Variants in ATP8B1 observed in about 807,000 individuals in gnomAD.
The protein encoded by ATP8B1 is phospholipid-transporting ATPase IC.
Under a neutral mutation model 149.9 loss-of-function variants are expected in ATP8B1, and 80 were observed. That is an observed-to-expected ratio of 0.53 (90% confidence interval 0.45 to 0.64). ATP8B1 has a LOEUF of 0.64. Ranked by LOEUF, ATP8B1 falls within the 30% of genes least tolerant of loss-of-function variation. The pLI, the probability that ATP8B1 is intolerant of heterozygous loss-of-function variation, is 0.00. For missense variants in ATP8B1, 1,247 were observed against 1,552.6 expected, an observed-to-expected ratio of 0.80 and a Z score of 3.31; for synonymous variants, 536 against 562.8, an observed-to-expected ratio of 0.95 and a Z score of 0.67.
At position 57,726,237 on chromosome 18, in the gene ATP8B1, A is replaced by AAAAACAAAAACAAAC. The variant is rs1445786771; in HGVS notation, c.181+5389_181+5390insGTTTGTTTTTGTTTT. On this transcript the variant is annotated intron_variant, in intron 2 of 27. Transcript: ENST00000648908. The stretch of plus-strand genomic sequence containing the variant: ...GCAAGACTCTGCCTCAAACAAAAAC[A>AAAAACAAAAACAAAC]AACAACAACAACAAAAAAACCACTT... Among the ~76,000 whole-genome samples the AAAAACAAAAACAAAC allele has an allele frequency of 3.0e-4, 45 of 152,200 alleles. 1 individual carries two copies. The East Asian group carries it at 7.3e-3, about 25-fold the overall frequency.
chr18:57,799,193 G>A (rs906291771), intron 1 of ATP8B1, among the ~76,000 whole-genome samples: 39 of 152,310 alleles, frequency 2.6e-4, no homozygotes, highest in African/African-American at 8.9e-4. Context: ...ATGCACCTAG[G>A]AAGCTATGAG....
chr18:57,716,856 C>T (rs1049412985), intron 2 of ATP8B1, among the ~76,000 whole-genome samples: 2 of 152,202 alleles, frequency 1.3e-5, no homozygotes, highest in Non-Finnish European at 2.9e-5. Context: ...TTTCATACAA[C>T]AGCTGTAGAA....
At chr18:57,693,443 C>T (rs1912642902) in intron 11 of ATP8B1, among the ~76,000 whole-genome samples, 2 of 152,080 alleles carry the variant, frequency 1.3e-5, no homozygotes, top group African/African-American at 4.8e-5. Flanking sequence ...TGCAGTGGCT[C>T]ATGCTTGTAA....
chr18:57,764,773 A>G, intron 1 of ATP8B1, among the ~76,000 whole-genome samples: 1 of 151,970 alleles, frequency 6.6e-6, no homozygotes, highest in East Asian at 1.9e-4. Context: ...AAAAAAAAAA[A>G]AAAAAAACAG....
chr18:57,794,379 T>C (rs2080490818), intron 1 of ATP8B1, among the ~76,000 whole-genome samples: 1 of 151,624 alleles, frequency 6.6e-6, no homozygotes, highest in South Asian at 2.1e-4. Flanking sequence ...GGTGGAACAT[T>C]TGATAACTCT....
At chr18:57,707,059 C>G (rs1006734861) in intron 2 of ATP8B1, among the ~76,000 whole-genome samples, 1 of 152,170 alleles carries the variant, frequency 6.6e-6, no homozygotes, top group African/African-American at 2.4e-5. Context: ...GTAATCCCAG[C>G]ACTTTGGGAG....
chr18:57,763,260 C>A (rs1450239867), intron 1 of ATP8B1, among the ~76,000 whole-genome samples: 1 of 152,098 alleles, frequency 6.6e-6, no homozygotes, highest in East Asian at 1.9e-4. Context: ...GGCTTGGTGG[C>A]ACGTGCCTAT....
chr18:57,695,588 A>T, intron 8 of ATP8B1, 56 bp from the exon 9 acceptor site: 1 of 1,331,564 alleles, frequency 7.5e-7, no homozygotes, highest in African/African-American at 1.4e-5. Flanking sequence ...TTCAAAGTGG[A>T]AGTTAATCAT....
chr18:57,752,536 G>A (rs1487881899), intron 1 of ATP8B1, among the ~76,000 whole-genome samples: 1 of 152,150 alleles, frequency 6.6e-6, no homozygotes, highest in African/African-American at 2.4e-5. Context: ...GATATCCACT[G>A]AGTGAGGCAT....
chr18:57,653,289 T>TG (rs1909755666), intron 24 of ATP8B1, among the ~76,000 whole-genome samples: 4 of 147,674 alleles, frequency 2.7e-5, no homozygotes, highest in Admixed American at 2.7e-4. Context: ...TTTCTTTTTT[T>TG]TTTTTTTTTT....
chr18:57,780,006 C>G (rs996817643), intron 1 of ATP8B1, among the ~76,000 whole-genome samples: 1 of 152,052 alleles, frequency 6.6e-6, no homozygotes, highest in Non-Finnish European at 1.5e-5. Flanking sequence ...TAAATCACCA[C>G]GGCATATAAA....
In ATP8B1 at chr18:57,706,535, G is replaced by C. The variant is rs3745079; in HGVS notation, c.234C>G (p.His78Gln). ...TACACAAGAATTTTGTGTTCATAAA[G>C]TGAGGTTGTTCGTGGTACTTGCGAT... Reference protein sequence around the residue: ...ANDRKYHEQPHFMNTKFLCIK... With the variant: ...ANDRKYHEQPQFMNTKFLCIK... Residue 78 changes from histidine to glutamine, a missense_variant, in exon 3 of 28, where the codon CAC (histidine) becomes CAG (glutamine). Physicochemically the swap from His to Gln is conservative, Grantham distance 24. This residue lies in a region of ATP8B1 where 853 missense variants were observed against 1,035.7 expected (regional missense o/e 0.82). Transcript: ENST00000648908. 3,079 of 1,614,062 alleles carry C rather than the reference G, an allele frequency of 1.9e-3. 77 individuals carry two copies. In the East Asian group the frequency reaches 0.049, roughly 26 times the overall value.
At chr18:57,789,929 CA>C (rs2080445856) in intron 1 of ATP8B1, among the ~76,000 whole-genome samples, 1 of 152,144 alleles carries the variant, frequency 6.6e-6, no homozygotes, top group Non-Finnish European at 1.5e-5. Flanking sequence ...TTGCAATTCC[CA>C]AAACTGTGTC....
In ATP8B1 at chr18:57,704,639, G is replaced by A. The variant is rs557677633; in HGVS notation, c.309C>T (p.Asn103=). 39 of 1,608,538 alleles carry A rather than the reference G, an allele frequency of 2.4e-5. No homozygotes were observed. The highest frequency in any genetic ancestry group is 1.6e-4 in the South Asian group (15 of 90,964). Residue 103 remains asparagine, a synonymous_variant, in exon 4 of 28, where the codon AAC becomes AAT. Coordinates refer to ENST00000648908, the MANE Select transcript of ATP8B1 (RefSeq NM_001374385.1). ...GATTCATTGGTATAAAGGTAAATGC[G>A]TTGTACTTGTATGTTTTAATTGCAT... The part of the protein sequence containing the change: ...ANNAIKTYKY[N]AFTFIPMNLF...
chr18:57,671,445 G>C (rs1408983577), intron 17 of ATP8B1, 23 bp downstream of exon 17: 2 of 1,562,796 alleles, frequency 1.3e-6, no homozygotes, highest in Non-Finnish European at 8.8e-7. Flanking sequence ...ATCCCTTGCA[G>C]AAAGAATAAA....
chr18:57,677,181 T>C (rs1439456312), intron 15 of ATP8B1, among the ~76,000 whole-genome samples: 2 of 152,158 alleles, frequency 1.3e-5, no homozygotes, highest in Non-Finnish European at 2.9e-5. Context: ...TGGAAAGGAA[T>C]GTAAAGGGAA....
intron 3 of ATP8B1, among the ~76,000 whole-genome samples, chr18:57,705,915 G>A (rs1004656241): frequency 6.6e-6 from 1 of 152,158 alleles, no homozygotes; most frequent in Non-Finnish European, 1.5e-5. Context: ...AAGCTGGAGT[G>A]CAATGGCACA....
Position 57,803,014 on chromosome 18 carries a change from C to G in ATP8B1, c.-42G>C, listed in dbSNP as rs2080597865. On this transcript the variant is annotated 5_prime_UTR_variant, in exon 1 of 28. Transcript: ENST00000648908. ...CCTGCTTACCTGGCGTTCGCTGGGC[C>G]CCGGCTGGGGCATCCGCCTGGTGCG... 1.3e-5 allele frequency: 2 copies of G among 152,040 alleles called. No homozygotes were observed. The highest frequency in any genetic ancestry group is 2.9e-5 in the Non-Finnish European group (2 of 68,048). The allele number at this position is 152,040 out of a possible 1,614,324, so 9.4% of individuals were successfully genotyped here.
intron 1 of ATP8B1, among the ~76,000 whole-genome samples, chr18:57,761,095 TAAAAA>T (rs549333901): frequency 1.4e-3 from 131 of 96,252 alleles, no homozygotes; most frequent in African/African-American, 5.5e-3. Flanking sequence ...TAAAATAAAA[TAAAAA>T]ATAAAATAAA....
Sources: gnomAD v4.1 joint callset for allele counts (sites outside exome capture counted in the v4.1 genomes callset) on GRCh38, gnomAD v4.1.1 for gene constraint, gnomAD v4.1.1 regional missense constraint, MANE v1.5 for transcripts, NCBI Gene and HGNC (gene_info 2026-07-23, HGNC 2026-07-21) for gene names.